Variants in PTGER3 observed in about 807,000 individuals in gnomAD.
PTGER3 encodes prostaglandin E receptor 3, also known as prostaglandin E2 receptor EP3 subtype.
In PTGER3, 22 loss-of-function variants were observed where a neutral mutation model predicts 34.7. The observed-to-expected ratio is 0.63, with a 90% CI of 0.45 to 0.91. The LOEUF (loss-of-function observed/expected upper bound fraction) is 0.91, where lower values mean the gene tolerates loss of function less well. Ranked by LOEUF, PTGER3 falls within the 40% of genes least tolerant of loss-of-function variation. The pLI is 0.00. For missense variants in PTGER3, 468 were observed against 519.4 expected (o/e 0.90, Z 0.96); for synonymous variants, 241 against 230.1 (o/e 1.05, Z -0.43).
At chr1:71,027,004 C>T (rs1658983299) in intron 1 of PTGER3, among the ~76,000 whole-genome samples, 3 of 152,122 alleles carry the variant, frequency 2.0e-5, no homozygotes, top group Admixed American at 6.6e-5. Flanking sequence ...CCATTGACTC[C>T]CTCTCTCCTT....
chr1:70,905,907 C>T (rs1475876355), intron 4 of PTGER3, among the ~76,000 whole-genome samples: 1 of 152,114 alleles, frequency 6.6e-6, no homozygotes, highest in Non-Finnish European at 1.5e-5. Context: ...ACTCAAATCT[C>T]ATCTTGAACT....
At chr1:71,040,121 AAAAG>A (rs1358244005) in intron 1 of PTGER3, among the ~76,000 whole-genome samples, 3 of 151,778 alleles carry the variant, frequency 2.0e-5, no homozygotes, top group East Asian at 1.9e-4. Flanking sequence ...AGAAAGAAAA[AAAAG>A]AAAGAGAAAG....
Position 70,952,544 on chromosome 1 carries a change from A to G in PTGER3, c.*363T>C, listed in dbSNP as rs1309221383. On this transcript the variant is annotated 3_prime_UTR_variant, in exon 4 of 4. Coordinates refer to the PTGER3 transcript ENST00000356595. ...GCATCAAATTCTACAAACACCCTTT[A>G]CATATTTCTTCTGGACCAAATGTTA... is the stretch of plus-strand genomic sequence containing the variant. 5 of 993,294 alleles carry G rather than the reference A, an allele frequency of 5.0e-6. No individual in the cohort carries two copies. The African/African-American group carries it at 7.0e-5, about 14-fold the overall frequency. The allele number at this position is 993,294 out of a possible 1,614,324, so 61.5% of individuals were successfully genotyped here.
In PTGER3 at chr1:70,971,360, T is replaced by G. The variant is rs747335469; in HGVS notation, c.*370A>C. The G allele has an allele frequency of 5.2e-4, 522 of 1,009,470 alleles. 1 individual carries two copies. Among genetic ancestry groups the G allele is most frequent in the Non-Finnish European group, 6.0e-4 (509 of 846,284 alleles). 62.5% of individuals were successfully genotyped at this position (1,009,470 alleles called of 1,614,324 possible). ...TCAAACTCATATTGCAAAAGCAAGCTATCATGAAATGTAAAGATGTCCACT... is the reference window on the plus strand; with the variant it reads ...TCAAACTCATATTGCAAAAGCAAGCGATCATGAAATGTAAAGATGTCCACT... On this transcript the variant is annotated 3_prime_UTR_variant, in exon 4 of 4. Coordinates refer to ENST00000306666, the MANE Select transcript of PTGER3 (RefSeq NM_198719.2).
At chr1:71,009,850 A>G (rs757977629) in intron 2 of PTGER3, 46 of 985,000 alleles carry the variant, frequency 4.7e-5, no homozygotes, top group Admixed American at 1.9e-4. Context: ...GTGACTACAT[A>G]TATCCTCTTT....
intron 4 of PTGER3, among the ~76,000 whole-genome samples, chr1:70,938,619 G>A (rs1357898580): frequency 6.6e-6 from 1 of 152,112 alleles, no homozygotes; most frequent in Non-Finnish European, 1.5e-5. Flanking sequence ...CATGGCTGGG[G>A]AGGCTTCAGA....
chr1:70,943,856 GA>G (rs1259938678), intron 4 of PTGER3, among the ~76,000 whole-genome samples: 1 of 151,510 alleles, frequency 6.6e-6, no homozygotes, highest in African/African-American at 2.4e-5. Flanking sequence ...GGGAGAGAGA[GA>G]GAGAGAGAGA....
At chr1:70,988,326 C>T (rs76858528) in intron 2 of PTGER3, among the ~76,000 whole-genome samples, 3,420 of 152,206 alleles carry the variant, frequency 0.022, 73 homozygotes, top group Non-Finnish European at 0.036. Context: ...ATGGCAGAGC[C>T]TTCCAATTGC....
At chr1:70,973,208 A>G (rs1653289741) in intron 3 of PTGER3, among the ~76,000 whole-genome samples, 1 of 131,716 alleles carries the variant, frequency 7.6e-6, no homozygotes, top group Non-Finnish European at 1.6e-5. Flanking sequence ...TAGATGATAG[A>G]TAGATAGATA....
At chr1:70,918,287 A>G (rs1239292607) in intron 4 of PTGER3, among the ~76,000 whole-genome samples, 1 of 152,122 alleles carries the variant, frequency 6.6e-6, no homozygotes, top group African/African-American at 2.4e-5. Context: ...ATCTGAAGAT[A>G]TGAAACTACT....
At chr1:71,023,747 T>C (rs1658633768) in intron 1 of PTGER3, among the ~76,000 whole-genome samples, 2 of 152,000 alleles carry the variant, frequency 1.3e-5, no homozygotes, top group African/African-American at 4.8e-5. Context: ...TACGTCTCTC[T>C]GTCTCTCTCC....
intron 4 of PTGER3, among the ~76,000 whole-genome samples, chr1:70,940,028 A>C (rs1458119137): frequency 6.6e-6 from 1 of 151,998 alleles, no homozygotes; most frequent in Non-Finnish European, 1.5e-5. Flanking sequence ...CTCTTATATA[A>C]CTGAATGGCT....
intron 4 of PTGER3, among the ~76,000 whole-genome samples, chr1:70,916,698 G>A (rs1158528672): frequency 6.6e-6 from 1 of 151,920 alleles, no homozygotes; most frequent in Non-Finnish European, 1.5e-5. Flanking sequence ...CATAAATGTG[G>A]GAACAATAGA....
chr1:70,908,590 G>A (rs1337705798), intron 4 of PTGER3, among the ~76,000 whole-genome samples: 1 of 152,038 alleles, frequency 6.6e-6, no homozygotes, highest in Admixed American at 6.6e-5. Flanking sequence ...TTCCCCTGTT[G>A]GACTTTCCTC....
At chr1:71,007,946 T>C in intron 2 of PTGER3, 1 of 985,234 alleles carries the variant, frequency 1.0e-6, no homozygotes, top group Non-Finnish European at 1.2e-6. Flanking sequence ...GGTGATCTCT[T>C]TCCTTCTTAT....
At chr1:70,897,661 C>T (rs1009649626) in intron 4 of PTGER3, among the ~76,000 whole-genome samples, 2 of 152,156 alleles carry the variant, frequency 1.3e-5, no homozygotes, top group Non-Finnish European at 2.9e-5. Context: ...TCCTCTTTGC[C>T]TCCAGCCAAG....
At chr1:70,956,741 C>T (rs566918667) in intron 2 of PTGER3, among the ~76,000 whole-genome samples, 1 of 152,240 alleles carries the variant, frequency 6.6e-6, no homozygotes, top group South Asian at 2.1e-4. Context: ...TGGTGGCTCA[C>T]AGCTGTAATC....
chr1:70,879,918 C>A (rs1388472480), intron 4 of PTGER3, among the ~76,000 whole-genome samples: 2 of 151,940 alleles, frequency 1.3e-5, no homozygotes, highest in Admixed American at 6.6e-5. Context: ...CATGGTGGAA[C>A]CTTGTCTCTA....
At chr1:70,928,591 C>T (rs573782869) in intron 4 of PTGER3, among the ~76,000 whole-genome samples, 74 of 152,168 alleles carry the variant, frequency 4.9e-4, no homozygotes, top group Non-Finnish European at 8.7e-4. Flanking sequence ...CATGACAGTG[C>T]CACTACACTT....
Sources: allele counts gnomAD v4.1 joint callset (sites outside exome capture counted in the v4.1 genomes callset), GRCh38; gene constraint gnomAD v4.1.1; transcripts MANE v1.5; gene names NCBI Gene and HGNC (gene_info 2026-07-23, HGNC 2026-07-21).